Variants in PCDHA2 observed in about 807,000 individuals in gnomAD.
PCDHA2 encodes the protein protocadherin alpha-2.
Under a neutral mutation model 66.0 loss-of-function variants are expected in PCDHA2, and 58 were observed. The observed-to-expected ratio is 0.88, with a 90% CI of 0.71 to 1.09. The LOEUF is 1.09. Among genes scored for constraint, PCDHA2 ranks in the 50% least tolerant of loss-of-function variants. PCDHA2 has a pLI of 0.00. For missense variants in PCDHA2, 1,267 were observed against 1,242.3 expected, an observed-to-expected ratio of 1.02 and a Z score of -0.30; for synonymous variants, 634 against 554.0, an observed-to-expected ratio of 1.14 and a Z score of -2.03.
At chr5:140,877,921 T>C (rs2153357057) in intron 1 of PCDHA2, 1 of 1,422,868 alleles carries the variant, frequency 7.0e-7, no homozygotes, top group South Asian at 1.6e-5. Context: ...CTCATTTTTC[T>C]TTATGATTCT....
intron 1 of PCDHA2, among the ~76,000 whole-genome samples, chr5:140,840,696 C>T (rs2150308917): frequency 6.6e-6 from 1 of 152,100 alleles, no homozygotes; most frequent in Admixed American, 6.5e-5. Flanking sequence ...TAAAACGGTT[C>T]AGGCAATTTG....
At chr5:140,870,761 T>C (rs1456957620) in intron 1 of PCDHA2, 1 of 1,613,524 alleles carries the variant, frequency 6.2e-7, no homozygotes, top group Non-Finnish European at 8.5e-7. Flanking sequence ...CTGCAGGTGT[T>C]CGTGCTGGAC....
In PCDHA2 at chr5:140,927,241, A is replaced by T. The variant is rs781911240; in HGVS notation, c.2389-51708A>T. The stretch of plus-strand genomic sequence containing the variant: ...CAAGATTCGGATTCACGTCCTGGAC[A>T]CCAATGACAACTCACCTCTCTTTCC... On this transcript the variant is annotated intron_variant, in intron 1 of 3. Coordinates refer to ENST00000526136, the MANE Select transcript of PCDHA2 (RefSeq NM_018905.3). 3 of 1,613,966 alleles carry T rather than the reference A, an allele frequency of 1.9e-6. No homozygotes were observed. The Admixed American group carries it at 5.0e-5, about 27-fold the overall frequency.
intron 1 of PCDHA2, among the ~76,000 whole-genome samples, chr5:140,976,681 A>T (rs2096726641): frequency 6.6e-6 from 1 of 152,206 alleles, no homozygotes; most frequent in Non-Finnish European, 1.5e-5. Context: ...TCATTTTTGC[A>T]ATTTAAGTAC....
At position 140,875,993 on chromosome 5, in the gene PCDHA2, T is replaced by G. The variant is rs574636926; in HGVS notation, c.2388+78641T>G. On this transcript the variant is annotated intron_variant, in intron 1 of 3. Coordinates refer to ENST00000526136, the MANE Select transcript of PCDHA2 (RefSeq NM_018905.3). The stretch of plus-strand genomic sequence containing the variant: ...TCTCTTTTGACCTATGCGTTAAGTC[T>G]AAATGAGAATTTTGAGCTTAAAATA... The G allele has an allele frequency of 3.5e-4, 564 of 1,613,988 alleles. 6 individuals are homozygous for G. In the South Asian group the frequency reaches 5.9e-3, roughly 17 times the overall value.
At chr5:140,854,998 A>G (rs2043301191) in intron 1 of PCDHA2, among the ~76,000 whole-genome samples, 1 of 149,868 alleles carries the variant, frequency 6.7e-6, no homozygotes, top group East Asian at 1.9e-4. Flanking sequence ...TTGCCCGTGT[A>G]AGATATTATA....
At chr5:141,006,741 A>G (rs1275777013) in intron 3 of PCDHA2, among the ~76,000 whole-genome samples, 2 of 152,208 alleles carry the variant, frequency 1.3e-5, no homozygotes, top group Non-Finnish European at 2.9e-5. Flanking sequence ...TTGATGATGT[A>G]TTATAAATGG....
intron 1 of PCDHA2, chr5:140,825,410 T>C (rs1554130230): frequency 6.8e-6 from 1 of 146,528 alleles, no homozygotes; most frequent in Non-Finnish European, 1.5e-5. Flanking sequence ...TTATATATTT[T>C]ATATAATATA....
chr5:140,927,814 G>GCATA (rs1554205103), intron 1 of PCDHA2: 1 of 1,614,172 alleles, frequency 6.2e-7, no homozygotes, highest in Non-Finnish European at 8.5e-7. Context: ...GCTCTTGGAG[G>GCATA]CATACATTGA....
At chr5:140,927,818 A>C (rs1554205106) in intron 1 of PCDHA2, 1 of 1,614,190 alleles carries the variant, frequency 6.2e-7, no homozygotes, top group Admixed American at 1.7e-5. Flanking sequence ...TTGGAGGCAT[A>C]CATTGAGGCG....
At chr5:140,798,114 C>T (rs1222141162) in intron 1 of PCDHA2, among the ~76,000 whole-genome samples, 5 of 152,076 alleles carry the variant, frequency 3.3e-5, no homozygotes, top group African/African-American at 4.8e-5. Context: ...TCAAGTGATC[C>T]ACCCTCCTAG....
intron 3 of PCDHA2, among the ~76,000 whole-genome samples, chr5:140,991,446 A>G (rs782325342): frequency 6.6e-6 from 1 of 152,202 alleles, no homozygotes; most frequent in Non-Finnish European, 1.5e-5. Flanking sequence ...ATGGCTTAAA[A>G]CAACACAATG....
At position 140,857,233 on chromosome 5, in the gene PCDHA2, G is replaced by A. The variant is rs1308790390; in HGVS notation, c.2388+59881G>A. The A allele has an allele frequency of 4.4e-6, 7 of 1,598,456 alleles. 1 individual carries two copies. Among genetic ancestry groups the A allele is most frequent in the Non-Finnish European group, 6.0e-6 (7 of 1,167,974 alleles). On this transcript the variant is annotated intron_variant, in intron 1 of 3. Coordinates refer to ENST00000526136, the MANE Select transcript of PCDHA2 (RefSeq NM_018905.3). Reference sequence around the variant, plus strand: ...CTCTGACGCCTCACGTTCCGTTCAAGCTGGTGTCCACCTACAAGAATTACT... The same window carrying A: ...CTCTGACGCCTCACGTTCCGTTCAAACTGGTGTCCACCTACAAGAATTACT...
chr5:140,876,411 T>C (rs782457800), intron 1 of PCDHA2: 1 of 1,613,974 alleles, frequency 6.2e-7, no homozygotes, highest in South Asian at 1.1e-5. Flanking sequence ...TTGAAGAGAA[T>C]AATGCCTATG....
In PCDHA2 at chr5:140,796,650, G is replaced by T. The variant is rs527830690; in HGVS notation, c.1686G>T (p.Ala562=). The T allele has an allele frequency of 1.6e-5, 26 of 1,613,682 alleles. No homozygotes were observed. The highest frequency in any genetic ancestry group is 2.0e-5 in the Non-Finnish European group (24 of 1,179,882). ...TCGTGCTGGACGAGAACGACAACGC[G>T]CCGGCACTGTTGGCGCCTAGGGCTG... ...QVFVLDENDN[A]PALLAPRAGT... The change falls in exon 1 of 4, where the codon GCG becomes GCT. Residue 562 remains alanine (A), a synonymous_variant. Transcript: ENST00000526136.
intron 1 of PCDHA2, among the ~76,000 whole-genome samples, chr5:140,947,600 G>A (rs1328645188): frequency 1.3e-5 from 2 of 151,624 alleles, no homozygotes; most frequent in African/African-American, 4.8e-5. Flanking sequence ...ATTTAGGGAA[G>A]ATTTGGTATC....
Position 140,795,632 on chromosome 5 carries a change from C to G in PCDHA2, c.668C>G (p.Thr223Arg), listed in dbSNP as rs1554119510. 1 of 1,614,112 alleles carries G rather than the reference C, an allele frequency of 6.2e-7. No homozygotes were observed. Residue 223 changes from threonine (T) to arginine (R), a missense_variant, in exon 1 of 4, where the codon ACG becomes AGG. Thr to Arg is a moderately conservative substitution (Grantham distance 71). Coordinates refer to ENST00000526136, the MANE Select transcript of PCDHA2 (RefSeq NM_018905.3). ...ACTGATGGGGGCAAACCTGAGCTCACGGGCACCGTTCAAATACTTATTAAG... is the reference window on the plus strand; with the variant it reads ...ACTGATGGGGGCAAACCTGAGCTCAGGGGCACCGTTCAAATACTTATTAAG... ...VATDGGKPEL[T>R]GTVQILIKVL...
intron 1 of PCDHA2, chr5:140,967,116 G>A: frequency 1.2e-6 from 2 of 1,612,922 alleles, no homozygotes; most frequent in Non-Finnish European, 1.7e-6. Context: ...CGGCCTCGCT[G>A]CCTGCTCAGC....
chr5:140,843,209 G>A, intron 1 of PCDHA2: 2 of 1,596,078 alleles, frequency 1.3e-6, no homozygotes, highest in African/African-American at 2.7e-5. Context: ...GTACACGGGC[G>A]AGATCAGCAC....
Sources: allele counts gnomAD v4.1 joint callset (sites outside exome capture counted in the v4.1 genomes callset), GRCh38; gene constraint gnomAD v4.1.1; transcripts MANE v1.5; gene names NCBI Gene and HGNC (gene_info 2026-07-23, HGNC 2026-07-21).